The following MAST4 variants were observed in gnomAD, a reference collection of about 807,000 sequenced individuals.
The protein encoded by MAST4 is microtubule associated serine/threonine kinase family member 4, also known as microtubule-associated serine/threonine-protein kinase 4.
MAST4 carries 89 observed loss-of-function variants against 162.7 expected under a neutral mutation model. That is an observed-to-expected ratio of 0.55 (90% CI 0.46 to 0.65). MAST4 has a LOEUF of 0.65. MAST4 is among the 30% of genes least tolerant of loss of function. The pLI, the probability that MAST4 is intolerant of heterozygous loss-of-function variation, is 0.00. For synonymous variants in MAST4, 1,479 were observed against 1,361.1 expected (o/e 1.09, Z -1.91); for missense variants, 3,153 against 3,374.0 (o/e 0.93, Z 1.62).
intron 4 of MAST4, among the ~76,000 whole-genome samples, chr5:66,904,650 C>G (rs1763226469): frequency 6.6e-6 from 1 of 151,644 alleles, no homozygotes; most frequent in Admixed American, 6.6e-5. Context: ...GCTTTAAGTT[C>G]TCTGGCCACA....
At chr5:66,870,925 G>T in intron 3 of MAST4, 1 of 461,826 alleles carries the variant, frequency 2.2e-6, no homozygotes. Flanking sequence ...ACAGGGTGTG[G>T]GGTTTTATTT....
At chr5:66,777,959 C>A (rs1561324033) in intron 2 of MAST4, among the ~76,000 whole-genome samples, 1 of 152,132 alleles carries the variant, frequency 6.6e-6, no homozygotes, top group African/African-American at 2.4e-5. Flanking sequence ...TGTCATTTCC[C>A]AGGGGGGTTA....
chr5:66,952,888 T>C (rs1182639168), intron 4 of MAST4, among the ~76,000 whole-genome samples: 1 of 152,194 alleles, frequency 6.6e-6, no homozygotes, highest in Non-Finnish European at 1.5e-5. Flanking sequence ...CATCATCCTG[T>C]GATGGGAGTA....
intron 4 of MAST4, chr5:66,963,629 C>A (rs1395883388): frequency 1.3e-6 from 1 of 765,598 alleles, no homozygotes; most frequent in Admixed American, 1.7e-5. Flanking sequence ...CTAAAGGGAA[C>A]ACAGTCCCTT....
At chr5:67,049,028 T>C (rs1430890255) in intron 4 of MAST4, among the ~76,000 whole-genome samples, 1 of 86,810 alleles carries the variant, frequency 1.2e-5, no homozygotes. Flanking sequence ...TATACGTATA[T>C]ATATATATAT....
chr5:66,802,765 A>G (rs1013744694), intron 3 of MAST4, among the ~76,000 whole-genome samples: 5 of 152,146 alleles, frequency 3.3e-5, no homozygotes, highest in African/African-American at 1.2e-4. Context: ...CATGCAATAT[A>G]CCTTTCCCAA....
At chr5:66,821,825 G>C (rs1160166116) in intron 3 of MAST4, among the ~76,000 whole-genome samples, 2 of 152,128 alleles carry the variant, frequency 1.3e-5, no homozygotes, top group African/African-American at 4.8e-5. Flanking sequence ...GATCCTTGAA[G>C]CCAGGAAGGT....
chr5:66,923,009 T>C (rs933438284), intron 4 of MAST4, among the ~76,000 whole-genome samples: 3 of 152,208 alleles, frequency 2.0e-5, no homozygotes, highest in Non-Finnish European at 2.9e-5. Flanking sequence ...AGGGACACTG[T>C]GACTGAACAA....
chr5:67,024,023 G>T (rs1486907936), intron 4 of MAST4, among the ~76,000 whole-genome samples: 1 of 151,666 alleles, frequency 6.6e-6, no homozygotes, highest in Non-Finnish European at 1.5e-5. Context: ...CTTTCATCCT[G>T]CAAAACAAAC....
chr5:67,131,991 T>C (rs775343410), intron 16 of MAST4, 40 bp downstream of exon 16: 2 of 1,587,396 alleles, frequency 1.3e-6, no homozygotes, highest in South Asian at 2.3e-5. Flanking sequence ...TTTTGCCCAA[T>C]ACAAAGTTCT....
intron 4 of MAST4, among the ~76,000 whole-genome samples, chr5:66,951,624 G>T (rs961619854): frequency 4.0e-5 from 6 of 149,662 alleles, no homozygotes; most frequent in Non-Finnish European, 5.9e-5. Flanking sequence ...GTGTGTGTGT[G>T]TGTGTGTGTG....
chr5:67,050,083 T>A (rs1415274530), intron 4 of MAST4, among the ~76,000 whole-genome samples: 2 of 152,174 alleles, frequency 1.3e-5, no homozygotes, highest in African/African-American at 4.8e-5. Flanking sequence ...CCCACCTGCC[T>A]CCAGCTTAGT....
chr5:66,611,743 A>G (rs16895297), intron 1 of MAST4, among the ~76,000 whole-genome samples: 17,154 of 152,280 alleles, frequency 0.11, 1,560 homozygotes, highest in African/African-American at 0.24. Flanking sequence ...ACCTGTAATC[A>G]GATGGGCACT....
At chr5:66,981,695 T>C (rs934858380) in intron 4 of MAST4, among the ~76,000 whole-genome samples, 25 of 152,204 alleles carry the variant, frequency 1.6e-4, no homozygotes, top group Non-Finnish European at 5.9e-5. Context: ...TGACAGAGAA[T>C]GCAGACTAGG....
chr5:66,684,358 T>TACCAGGAGG (rs1554042173), intron 1 of MAST4, among the ~76,000 whole-genome samples: 134 of 12,384 alleles, frequency 0.011, no homozygotes, highest in Non-Finnish European at 0.012. Flanking sequence ...CTTCCAGCTA[T>TACCAGGAGG]TTTTTTTTCT....
At chr5:67,039,252 T>A (rs1756421244) in intron 4 of MAST4, among the ~76,000 whole-genome samples, 1 of 152,228 alleles carries the variant, frequency 6.6e-6, no homozygotes, top group Non-Finnish European at 1.5e-5. Flanking sequence ...CTAATTCTGG[T>A]CTTGATATGC....
At chr5:66,891,884 C>G (rs1044421161) in intron 3 of MAST4, among the ~76,000 whole-genome samples, 2 of 152,224 alleles carry the variant, frequency 1.3e-5, no homozygotes, top group Non-Finnish European at 2.9e-5. Flanking sequence ...CAGAGAAGTC[C>G]AAATACACGC....
intron 3 of MAST4, among the ~76,000 whole-genome samples, chr5:66,806,118 C>T (rs914561187): frequency 6.6e-6 from 1 of 152,150 alleles, no homozygotes; most frequent in Non-Finnish European, 1.5e-5. Flanking sequence ...CTATCTCTAC[C>T]CTGAGTTATT....
At chr5:66,951,111 A>G (rs1325119923) in intron 4 of MAST4, among the ~76,000 whole-genome samples, 8 of 152,210 alleles carry the variant, frequency 5.3e-5, no homozygotes, top group African/African-American at 1.7e-4. Context: ...ATTAGAGGGC[A>G]TTTAAAAATT....
Sources: allele counts gnomAD v4.1 joint callset (sites outside exome capture counted in the v4.1 genomes callset), GRCh38; gene constraint gnomAD v4.1.1; transcripts MANE v1.5; gene names NCBI Gene and HGNC (gene_info 2026-07-23, HGNC 2026-07-21).